The following COL4A2 variants were observed in gnomAD, a reference collection of about 807,000 sequenced individuals.
COL4A2 encodes collagen type IV alpha 2 chain, also known as collagen alpha-2(IV) chain.
A neutral mutation model predicts 200.2 loss-of-function variants in COL4A2; 99 were observed. The ratio of observed to expected loss-of-function variants is 0.49; its 90% CI spans 0.42 to 0.58. The LOEUF is 0.58. Ranked by LOEUF, COL4A2 falls within the 20% of genes least tolerant of loss-of-function variation. COL4A2 has a pLI of 0.00. For synonymous variants in COL4A2, 897 were observed against 900.6 expected (o/e 1.00, Z 0.07); for missense variants, 1,950 against 2,314.1 (o/e 0.84, Z 3.23).
In COL4A2 at chr13:110,307,946, C is replaced by T; in HGVS notation, c.43C>T (p.Arg15Trp). Reference protein sequence around the residue: ...QRAVAGPALRRWLLLGTVTVG... With the variant: ...QRAVAGPALRWWLLLGTVTVG... ...CGCGGTGGCCGGCCCTGCCCTACGG[C>T]GGTAAGCGACTTTCTGCCTGGTCCC... Residue 15 changes from arginine to tryptophan, a missense_variant and splice_region_variant, in exon 2 of 48, where the codon CGG becomes TGG. Physicochemically the swap from Arg to Trp is moderately radical, Grantham distance 101. Transcript: ENST00000360467. The surrounding 1 kb of genome is among the most constrained non-coding windows in gnomAD (Gnocchi z 5.0). 1.2e-6 allele frequency: 2 copies of T among 1,612,826 alleles called. No individual in the cohort carries two copies. The highest frequency in any genetic ancestry group is 1.3e-5 in the African/African-American group (1 of 75,054).
At chr13:110,497,786 G>C (rs1311130410) in intron 40 of COL4A2, among the ~76,000 whole-genome samples, 3 of 150,028 alleles carry the variant, frequency 2.0e-5, no homozygotes, top group African/African-American at 7.4e-5. Context: ...GCCTCAGTCA[G>C]GGGTGAGGAT....
intron 4 of COL4A2, among the ~76,000 whole-genome samples, chr13:110,413,352 AG>A (rs1286689188): frequency 6.6e-6 from 1 of 152,188 alleles, no homozygotes; most frequent in African/African-American, 2.4e-5. Flanking sequence ...CCTACCTCCA[AG>A]GGCCTCGCGG....
At chr13:110,380,457 A>G (rs1878419502) in intron 4 of COL4A2, among the ~76,000 whole-genome samples, 2 of 152,220 alleles carry the variant, frequency 1.3e-5, no homozygotes. Context: ...TTTAAATATT[A>G]ATATTTTAAA....
chr13:110,327,416 A>G (rs563594387), intron 3 of COL4A2, among the ~76,000 whole-genome samples: 4 of 152,168 alleles, frequency 2.6e-5, no homozygotes, highest in Non-Finnish European at 5.9e-5. Context: ...TCCAAAACAC[A>G]ATCTGTGATA....
In COL4A2 at chr13:110,458,221, G is replaced by C. The variant is rs998859825; in HGVS notation, c.1433-550G>C. On this transcript the variant is annotated intron_variant, in intron 21 of 47. Coordinates refer to ENST00000360467, the MANE Select transcript of COL4A2 (RefSeq NM_001846.4). ...GGCCTCCCCACTGGGCATCCTCTGT[G>C]CCCTGGGGGAGCCAACCCCTGCCGC... 2.3e-5 allele frequency: 10 copies of C among 429,922 alleles called. No individual in the cohort carries two copies. In the Admixed American group the frequency reaches 2.8e-4, roughly 12 times the overall value. The allele number at this position is 429,922 out of a possible 1,614,324, so 26.6% of individuals were successfully genotyped here. A position where few individuals can be genotyped will look rare whatever the true frequency, so the allele number is the denominator to read the frequency against.
At chr13:110,401,594 A>G (rs754853346) in intron 4 of COL4A2, among the ~76,000 whole-genome samples, 31 of 152,206 alleles carry the variant, frequency 2.0e-4, no homozygotes, top group Non-Finnish European at 3.5e-4. Flanking sequence ...GAAACTGATA[A>G]TGCTCAGCAC....
intron 13 of COL4A2, 89 bp downstream of exon 13, chr13:110,436,456 AG>A (rs1880890683): frequency 1.3e-6 from 2 of 1,483,382 alleles, no homozygotes; most frequent in African/African-American, 1.4e-5. Context: ...CCACATTCCA[AG>A]TAGAAAAAGC....
intron 47 of COL4A2, among the ~76,000 whole-genome samples, chr13:110,510,616 CTG>C (rs35675138): frequency 0.43 from 65,245 of 151,452 alleles, 14,249 homozygotes; most frequent in Non-Finnish European, 0.49. Context: ...CAAGCATGCA[CTG>C]TGTGTGTGTG....
At chr13:110,438,809 C>CT (rs1566533543) in intron 15 of COL4A2, 141 bp downstream of exon 15, 4 of 753,570 alleles carry the variant, frequency 5.3e-6, no homozygotes, top group Non-Finnish European at 8.5e-6. Context: ...CCCACCCCCC[C>CT]CCACACACAC....
intron 3 of COL4A2, among the ~76,000 whole-genome samples, chr13:110,353,119 C>T (rs1178593173): frequency 1.3e-5 from 2 of 152,164 alleles, no homozygotes; most frequent in African/African-American, 4.8e-5. Flanking sequence ...TTTCATGAGC[C>T]TGTGATTGTT....
chr13:110,363,947 C>G (rs1237702199), intron 4 of COL4A2, among the ~76,000 whole-genome samples: 1 of 152,120 alleles, frequency 6.6e-6, no homozygotes, highest in Non-Finnish European at 1.5e-5. Flanking sequence ...GTGAGCCGCC[C>G]GCCTCGGCCT....
At chr13:110,455,943 G>A (rs1412100474) in intron 20 of COL4A2, among the ~76,000 whole-genome samples, 1 of 152,164 alleles carries the variant, frequency 6.6e-6, no homozygotes, top group Non-Finnish European at 1.5e-5. Flanking sequence ...TTTGCCCATT[G>A]GAGCTCTGGC....
chr13:110,365,394 G>T (rs1004443969), intron 4 of COL4A2, among the ~76,000 whole-genome samples: 3 of 152,256 alleles, frequency 2.0e-5, no homozygotes, highest in Admixed American at 2.0e-4. Context: ...ACCTGCCTCG[G>T]CCTCCCAAAG....
chr13:110,438,484 G>A, intron 14 of COL4A2, 134 bp from the exon 15 acceptor site: 1 of 1,208,598 alleles, frequency 8.3e-7, no homozygotes, highest in Non-Finnish European at 1.2e-6. Flanking sequence ...CGCCTGAGTT[G>A]AGCATCGCCA....
At chr13:110,432,671 G>A (rs190615081) in intron 11 of COL4A2, among the ~76,000 whole-genome samples, 1 of 152,338 alleles carries the variant, frequency 6.6e-6, no homozygotes, top group East Asian at 1.9e-4. Context: ...TTTAGGGACA[G>A]TTCACATTTA....
intron 4 of COL4A2, among the ~76,000 whole-genome samples, chr13:110,413,680 G>T (rs1879935319): frequency 6.6e-6 from 1 of 152,240 alleles, no homozygotes; most frequent in Non-Finnish European, 1.5e-5. Context: ...CTATGGCGGG[G>T]TGGCTCGCAG....
chr13:110,336,862 G>C (rs768100639), intron 3 of COL4A2, among the ~76,000 whole-genome samples: 6 of 152,216 alleles, frequency 3.9e-5, no homozygotes, highest in Non-Finnish European at 7.3e-5. Context: ...TTCATGGGAA[G>C]AGTCACCACA....
At chr13:110,325,175 A>G (rs1885375064) in intron 3 of COL4A2, among the ~76,000 whole-genome samples, 1 of 152,252 alleles carries the variant, frequency 6.6e-6, no homozygotes, top group East Asian at 1.9e-4. Context: ...ACATGTGTCC[A>G]TAATAATAAT....
chr13:110,492,628 C>A (rs1181930900), intron 38 of COL4A2, among the ~76,000 whole-genome samples: 1 of 152,208 alleles, frequency 6.6e-6, no homozygotes, highest in Non-Finnish European at 1.5e-5. Context: ...CTGTGTCCTG[C>A]TTTAGAAATA....
Sources: gnomAD v4.1 joint callset for allele counts (sites outside exome capture counted in the v4.1 genomes callset) on GRCh38, gnomAD v4.1.1 for gene constraint, Gnocchi (gnomAD v3.1) non-coding constraint, MANE v1.5 for transcripts, NCBI Gene and HGNC (gene_info 2026-07-23, HGNC 2026-07-21) for gene names.